Variants in FAM184B observed in about 807,000 individuals in gnomAD.
The protein encoded by FAM184B is family with sequence similarity 184 member B, also known as protein FAM184B.
In FAM184B, 111 loss-of-function variants were observed where a neutral mutation model predicts 135.9. The ratio of observed to expected loss-of-function variants is 0.82; its 90% CI spans 0.70 to 0.96. FAM184B has a LOEUF of 0.96. Among genes scored for constraint, FAM184B ranks in the 40% least tolerant of loss-of-function variants. The probability of loss-of-function intolerance (pLI) is 0.00; values close to 1 mark genes in which losing one functional copy is unlikely to be tolerated. For missense variants in FAM184B, 1,375 were observed against 1,323.9 expected, an observed-to-expected ratio of 1.04 and a Z score of -0.60; for synonymous variants, 552 against 524.8, an observed-to-expected ratio of 1.05 and a Z score of -0.71.
intron 7 of FAM184B, 145 bp downstream of exon 7, chr4:17,688,278 AT>A (rs11306510): frequency 0.81 from 328,260 of 403,260 alleles, 126,996 homozygotes; most frequent in Admixed American, 0.9. Context: ...TTTTGTGGTG[AT>A]TTTTTTTTTT....
intron 1 of FAM184B, among the ~76,000 whole-genome samples, chr4:17,757,514 C>G (rs1476174404): frequency 6.6e-6 from 1 of 151,844 alleles, no homozygotes; most frequent in Non-Finnish European, 1.5e-5. Context: ...GTGATAATGG[C>G]ATTGTGGGAA....
At chr4:17,657,045 C>T (rs575274396) in intron 10 of FAM184B, among the ~76,000 whole-genome samples, 1 of 152,174 alleles carries the variant, frequency 6.6e-6, no homozygotes, top group Admixed American at 6.5e-5. Flanking sequence ...AAGTATACTT[C>T]ATATTTTCCT....
chr4:17,686,613 C>T (rs535973709), intron 7 of FAM184B, among the ~76,000 whole-genome samples: 34 of 152,360 alleles, frequency 2.2e-4, no homozygotes, highest in African/African-American at 7.5e-4. Flanking sequence ...TCAGTTTTCT[C>T]TTCTATAACA....
chr4:17,642,909 T>A (rs1328470417), intron 12 of FAM184B, among the ~76,000 whole-genome samples: 1 of 152,196 alleles, frequency 6.6e-6, no homozygotes, highest in Non-Finnish European at 1.5e-5. Flanking sequence ...TGTTCCAGTT[T>A]TCAAATTCAC....
chr4:17,654,913 G>A (rs4698198), intron 10 of FAM184B, among the ~76,000 whole-genome samples: 79,600 of 152,054 alleles, frequency 0.52, 23,426 homozygotes, highest in East Asian at 0.88. Context: ...GTGCAGCGGC[G>A]CAATCATGGC....
rs1031846486 is a variant in FAM184B at position 17,670,285 on chromosome 4, A to G, written c.1597-5626T>C. Among the ~76,000 whole-genome samples, 3 of 152,336 alleles carry G rather than the reference A, an allele frequency of 2.0e-5. No homozygotes were observed. In the East Asian group the frequency reaches 5.8e-4, roughly 29 times the overall value. ...GTAGAAGAAAAGAGAAATAAAAGAC[A>G]AAACAAATGAAATAGAAAAAACACA... On this transcript the variant is annotated intron_variant, in intron 7 of 17. Transcript: ENST00000265018.
At chr4:17,657,813 C>T (rs1334810087) in intron 10 of FAM184B, among the ~76,000 whole-genome samples, 4 of 151,958 alleles carry the variant, frequency 2.6e-5, no homozygotes, top group Admixed American at 6.6e-5. Flanking sequence ...CCTGCCACCA[C>T]GCCGAGTTAA....
chr4:17,746,919 T>A (rs914131998), intron 1 of FAM184B, among the ~76,000 whole-genome samples: 1 of 150,998 alleles, frequency 6.6e-6, no homozygotes, highest in Non-Finnish European at 1.5e-5. Context: ...ACACCTGTAA[T>A]CCCAGCTACT....
chr4:17,643,837 G>A (rs1715392443), intron 12 of FAM184B, among the ~76,000 whole-genome samples: 1 of 152,186 alleles, frequency 6.6e-6, no homozygotes, highest in Admixed American at 6.6e-5. Context: ...GGGAGTGGGG[G>A]TGGGGAGGCG....
intron 1 of FAM184B, among the ~76,000 whole-genome samples, chr4:17,760,467 C>T (rs1718520194): frequency 6.9e-6 from 1 of 144,710 alleles, no homozygotes; most frequent in African/African-American, 2.7e-5. Flanking sequence ...AAGACTCCAT[C>T]TCAAAAAAAA....
rs1212018917 is a variant in FAM184B, at chr4:17,642,080, G to C, written c.2495C>G (p.Ala832Gly). Reference sequence around the variant, plus strand: ...CCTGCGCTGGTCTCGGAGCTTCTGCGCCTCCTGCTGATGCTGCTCCACCTC... The same window carrying C: ...CCTGCGCTGGTCTCGGAGCTTCTGCCCCTCCTGCTGATGCTGCTCCACCTC... ...RAEVEQHQQEAQKLRDQRRFL... is the reference protein window; with the variant it reads ...RAEVEQHQQEGQKLRDQRRFL... Residue 832 changes from alanine (A) to glycine (G), a missense_variant, in exon 13 of 18, where the codon GCG becomes GGG. Ala to Gly is a moderately conservative substitution (Grantham distance 60). Transcript: ENST00000265018. 9 of 1,531,686 alleles carry C rather than the reference G, an allele frequency of 5.9e-6. No individual in the cohort carries two copies. Among genetic ancestry groups the C allele is most frequent in the Non-Finnish European group, 7.9e-6 (9 of 1,145,034 alleles). 94.9% of individuals were successfully genotyped at this position (1,531,686 alleles called of 1,614,324 possible).
At chr4:17,758,871 T>TAA (rs879795890) in intron 1 of FAM184B, among the ~76,000 whole-genome samples, 13 of 138,418 alleles carry the variant, frequency 9.4e-5, no homozygotes, top group Middle Eastern at 7.3e-3. Context: ...ATTTAGGGGG[T>TAA]AAAAAAAAAA....
rs368306779 is a variant in FAM184B, at chr4:17,741,415, C to T, written c.142-31771G>A. Among the ~76,000 whole-genome samples the T allele has an allele frequency of 7.9e-5, 12 of 152,108 alleles. 1 individual carries two copies. Among genetic ancestry groups the T allele is most frequent in the Non-Finnish European group, 1.3e-4 (9 of 68,018 alleles). On this transcript the variant is annotated intron_variant, in intron 1 of 17. Coordinates refer to ENST00000265018, the MANE Select transcript of FAM184B (RefSeq NM_015688.2). ...CAGGGTTCAAGAGCAAAGTCCTGGC[C>T]GGGCGTGGTGGCTCACGCCTGTAAT...
At chr4:17,634,942 G>A in intron 16 of FAM184B, 67 bp downstream of exon 16, 1 of 1,150,384 alleles carries the variant, frequency 8.7e-7, no homozygotes, top group East Asian at 2.7e-5. Flanking sequence ...ATAACCTGTG[G>A]TTACCTTTAA....
chr4:17,771,606 G>A (rs920505507), intron 1 of FAM184B, among the ~76,000 whole-genome samples: 3 of 152,180 alleles, frequency 2.0e-5, no homozygotes, highest in African/African-American at 4.8e-5. Flanking sequence ...TCAGAAAAGC[G>A]AGAGGAGCCA....
chr4:17,678,166 G>A (rs1716358503), intron 7 of FAM184B, among the ~76,000 whole-genome samples: 1 of 152,122 alleles, frequency 6.6e-6, no homozygotes, highest in Non-Finnish European at 1.5e-5. Context: ...GGAAGTCCTA[G>A]CCAGAGCAAT....
At chr4:17,694,088 G>C (rs563226453) in intron 5 of FAM184B, among the ~76,000 whole-genome samples, 1 of 152,126 alleles carries the variant, frequency 6.6e-6, no homozygotes, top group Admixed American at 6.5e-5. Flanking sequence ...CCACATGAGC[G>C]GTGCAGTTAC....
At position 17,709,490 on chromosome 4, in the gene FAM184B, T is replaced by A. The variant is rs921539766; in HGVS notation, c.296A>T (p.Gln99Leu). ...GGCGCTCTCCAGGGCCTGGATGCGCTGTAGAAGGGCTTCCTCCTCTGCGCA... is the reference window on the plus strand; with the variant it reads ...GGCGCTCTCCAGGGCCTGGATGCGCAGTAGAAGGGCTTCCTCCTCTGCGCA... ...QGCAEEEALL[Q>L]RIQALESALE... The change falls in exon 2 of 18, where the codon CAG (glutamine) becomes CTG (leucine). Residue 99 changes from glutamine (Q) to leucine (L), a missense_variant. Coordinates refer to ENST00000265018, the MANE Select transcript of FAM184B (RefSeq NM_015688.2). 1 of 1,549,382 alleles carries A rather than the reference T, an allele frequency of 6.5e-7. No homozygotes were observed. The highest frequency in any genetic ancestry group is 8.7e-7 in the Non-Finnish European group (1 of 1,145,876).
intron 10 of FAM184B, among the ~76,000 whole-genome samples, chr4:17,657,941 G>T (rs1340567413): frequency 6.6e-6 from 1 of 152,198 alleles, no homozygotes; most frequent in Non-Finnish European, 1.5e-5. Flanking sequence ...ACAGGCATGA[G>T]CCACTGCACC....
Sources: gnomAD v4.1 joint callset for allele counts (sites outside exome capture counted in the v4.1 genomes callset) on GRCh38, gnomAD v4.1.1 for gene constraint, MANE v1.5 for transcripts, NCBI Gene and HGNC (gene_info 2026-07-23, HGNC 2026-07-21) for gene names.